IGHMBP2: variants seen among roughly 807,000 people sequenced by gnomAD.
The protein encoded by IGHMBP2 is immunoglobulin mu DNA binding protein 2, also known as DNA-binding protein SMUBP-2.
In IGHMBP2, 81 loss-of-function variants were observed where a neutral mutation model predicts 96.0. The observed-to-expected ratio is 0.84, with a 90% CI of 0.71 to 1.01. The LOEUF is 1.01. IGHMBP2 is among the 50% of genes least tolerant of loss of function. IGHMBP2 has a pLI of 0.00. For missense variants in IGHMBP2, 1,227 were observed against 1,306.3 expected (o/e 0.94, Z 0.94); for synonymous variants, 557 against 548.9 (o/e 1.01, Z -0.21).
At chr11:68,918,079 A>G (rs559278605) in intron 7 of IGHMBP2, among the ~76,000 whole-genome samples, 196 bp downstream of exon 7, 1 of 152,328 alleles carries the variant, frequency 6.6e-6, no homozygotes, top group African/African-American at 2.4e-5. Context: ...AACTTCTTCA[A>G]TAGATAAAGG....
chr11:68,928,973 A>G (rs185414773), intron 7 of IGHMBP2, among the ~76,000 whole-genome samples: 188 of 152,376 alleles, frequency 1.2e-3, no homozygotes, highest in African/African-American at 4.4e-3. Context: ...GCCTGTGGCC[A>G]GAGTACCCAC....
intron 11 of IGHMBP2, 36 bp from the exon 12 acceptor site, chr11:68,935,263 G>T: frequency 3.7e-6 from 6 of 1,612,738 alleles, no homozygotes; most frequent in Non-Finnish European, 5.1e-6. Context: ...GCTGGCATGG[G>T]TGGGTGAGGA....
chr11:68,933,859 G>T lies in IGHMBP2; in HGVS notation c.1483G>T (p.Gly495Cys). ...GCCCCTGCTCTTGGTGGACACCGCC[G>T]GCTGCGGGCTGTTTGAGCTGGAGGA... ...GVPLLLVDTA[G>C]CGLFELEEED... Residue 495 changes from glycine to cysteine, a missense_variant, in exon 10 of 15, where the codon GGC (glycine) becomes TGC (cysteine). Physicochemically the swap from Gly to Cys is radical, Grantham distance 159. This residue lies in a region of IGHMBP2 where 703 missense variants were observed against 770.3 expected (regional missense o/e 0.91). Transcript: ENST00000255078. 6.2e-7 allele frequency: 1 copy of T among 1,606,828 alleles called. No individual in the cohort carries two copies. Among genetic ancestry groups the T allele is most frequent in the South Asian group, 1.1e-5 (1 of 89,632 alleles).
chr11:68,928,730 A>ACGCTTGGGGTC (rs1566439160), intron 7 of IGHMBP2, among the ~76,000 whole-genome samples: 34 of 152,220 alleles, frequency 2.2e-4, no homozygotes, highest in African/African-American at 8.2e-4. Context: ...GCGTCCCAGG[A>ACGCTTGGGGTC]AGGAAAAGCT....
At chr11:68,934,369 C>T in intron 10 of IGHMBP2, 95 bp from the exon 11 acceptor site, 1 of 859,906 alleles carries the variant, frequency 1.2e-6, no homozygotes, top group Non-Finnish European at 1.9e-6. Flanking sequence ...ATCAGCTGGC[C>T]ATGATAGACA....
At chr11:68,925,584 A>G (rs2154008010) in intron 7 of IGHMBP2, among the ~76,000 whole-genome samples, 1 of 152,298 alleles carries the variant, frequency 6.6e-6, no homozygotes, top group East Asian at 1.9e-4. Context: ...TTATTTCTTC[A>G]TGTAGATTTG....
intron 12 of IGHMBP2, among the ~76,000 whole-genome samples, chr11:68,935,977 C>T (rs370105720): frequency 1.3e-5 from 2 of 152,194 alleles, no homozygotes; most frequent in African/African-American, 2.4e-5. Flanking sequence ...ACACCCCAGG[C>T]GGCCCCTGAG....
At chr11:68,911,638 G>C in intron 5 of IGHMBP2, 35 bp downstream of exon 5, 1 of 1,606,494 alleles carries the variant, frequency 6.2e-7, no homozygotes, top group Middle Eastern at 1.8e-4. Context: ...GTCAGAGCCC[G>C]TCCGCTCCTG....
chr11:68,908,511 A>C (rs1316372113), intron 3 of IGHMBP2, 23 bp from the exon 4 acceptor site: 5 of 1,594,974 alleles, frequency 3.1e-6, no homozygotes, highest in Middle Eastern at 1.7e-4. Context: ...AGGTGTTCTA[A>C]TTTTAGTTTT....
At chr11:68,927,123 A>C (rs1284305974) in intron 7 of IGHMBP2, among the ~76,000 whole-genome samples, 3 of 152,150 alleles carry the variant, frequency 2.0e-5, no homozygotes, top group Non-Finnish European at 2.9e-5. Flanking sequence ...CTGACTCTCT[A>C]CGTGCCTTGT....
chr11:68,915,253 C>T (rs191174207), intron 6 of IGHMBP2, among the ~76,000 whole-genome samples: 168 of 133,442 alleles, frequency 1.3e-3, no homozygotes, highest in African/African-American at 4.6e-3. Flanking sequence ...AATCTCGGCT[C>T]ACTGCAACCT....
chr11:68,914,720 G>A lies in IGHMBP2; in HGVS notation c.712-103G>A, dbSNP rs1858579566. On this transcript the variant is annotated intron_variant, in intron 5 of 14. Transcript: ENST00000255078. Reference sequence around the variant, plus strand: ...TTTGATTGAGAGCACGTGTGTACATGCCTTGTGCTTCTTTCTACCTTTAAG... The same window carrying A: ...TTTGATTGAGAGCACGTGTGTACATACCTTGTGCTTCTTTCTACCTTTAAG... 3.4e-6 allele frequency: 4 copies of A among 1,185,866 alleles called. No individual in the cohort carries two copies. The African/African-American group carries it at 6.0e-5, about 18-fold the overall frequency. The allele number at this position is 1,185,866 out of a possible 1,614,324, so 73.5% of individuals were successfully genotyped here.
Position 68,906,167 on chromosome 11 carries a change from GGCT to G in IGHMBP2, c.190_192del (p.Leu64del), listed in dbSNP as rs1359229269. On this transcript the variant is annotated inframe_deletion, in exon 2 of 15. Coordinates refer to ENST00000255078, the MANE Select transcript of IGHMBP2 (RefSeq NM_002180.3). ...AGCCAGCGCACTGGGCTGTACGGAC[GGCT>G]GCTGGTCACCTTTGAGCCCAGGCGA... 6.2e-7 allele frequency: 1 copy of G among 1,614,146 alleles called. No individual in the cohort carries two copies. The highest frequency in any genetic ancestry group is 2.2e-5 in the East Asian group (1 of 44,894).
In IGHMBP2 at chr11:68,937,010, G is replaced by A. The variant is rs758538482; in HGVS notation, c.2530G>A (p.Ala844Thr). 18 of 1,608,826 alleles carry A rather than the reference G, an allele frequency of 1.1e-5. No homozygotes were observed. Among genetic ancestry groups the A allele is most frequent in the East Asian group, 2.2e-5 (1 of 44,886 alleles). ...GGAGAGACTGCAGAGGGTCAGGAGC[G>A]CGCAGGGGCAGCCCGCCAGCAAGGA... ...HLERLQRVRS[A>T]QGQPASKEQQ... The change falls in exon 13 of 15, where the codon GCG (alanine) becomes ACG (threonine). Residue 844 changes from alanine to threonine, a missense_variant. Around this residue, in one of 3 missense-constraint regions of IGHMBP2, gnomAD observed 703 missense variants for 770.3 expected, o/e 0.91. Coordinates refer to ENST00000255078, the MANE Select transcript of IGHMBP2 (RefSeq NM_002180.3).
At chr11:68,908,065 A>T in intron 2 of IGHMBP2, 80 bp from the exon 3 acceptor site, 1 of 1,071,090 alleles carries the variant, frequency 9.3e-7, no homozygotes, top group Non-Finnish European at 1.5e-6. Flanking sequence ...AAAATATTTG[A>T]AGTATAGTGG....
chr11:68,939,063 A>G (rs912667312), intron 14 of IGHMBP2, among the ~76,000 whole-genome samples: 4 of 152,080 alleles, frequency 2.6e-5, no homozygotes, highest in Admixed American at 2.6e-4. Flanking sequence ...CCCTTAGAAC[A>G]TGCATAAAGC....
chr11:68,930,198 C>T, intron 8 of IGHMBP2: 1 of 1,228,142 alleles, frequency 8.1e-7, no homozygotes, highest in South Asian at 1.4e-5. Flanking sequence ...AGAAAGTTGT[C>T]CCTGAGGAAT....
chr11:68,939,214 G>C (rs1013243776), intron 14 of IGHMBP2, among the ~76,000 whole-genome samples: 2 of 152,214 alleles, frequency 1.3e-5, no homozygotes, highest in African/African-American at 4.8e-5. Flanking sequence ...CAGCAGGGCT[G>C]TGATGTCACC....
chr11:68,915,514 G>A (rs1317639966), intron 6 of IGHMBP2, among the ~76,000 whole-genome samples: 7 of 149,348 alleles, frequency 4.7e-5, no homozygotes, highest in African/African-American at 4.9e-5. Context: ...ATGGAGTCTC[G>A]CTCTGTCACC....
Sources: allele counts gnomAD v4.1 joint callset (sites outside exome capture counted in the v4.1 genomes callset), GRCh38; gene constraint gnomAD v4.1.1; regional missense constraint gnomAD v4.1.1; transcripts MANE v1.5; gene names NCBI Gene and HGNC (gene_info 2026-07-23, HGNC 2026-07-21).